The following MEGF11 variants were observed in gnomAD, a reference collection of about 807,000 sequenced individuals.
MEGF11 encodes multiple EGF like domains 11.
A neutral mutation model predicts 146.6 loss-of-function variants in MEGF11; 126 were observed. The observed-to-expected ratio is 0.86, with a 90% CI of 0.74 to 1.00. The LOEUF is 1.00. Ranked by LOEUF, MEGF11 falls within the 50% of genes least tolerant of loss-of-function variation. The pLI is 0.00. For synonymous variants in MEGF11, 532 were observed against 583.4 expected (o/e 0.91, Z 1.27); for missense variants, 1,509 against 1,521.2 (o/e 0.99, Z 0.13).
At chr15:66,087,781 C>A (rs189272635) in intron 5 of MEGF11, among the ~76,000 whole-genome samples, 16 of 152,076 alleles carry the variant, frequency 1.1e-4, no homozygotes, top group Admixed American at 2.6e-4. Context: ...AAGAACAAAC[C>A]AAATCCAAAA....
chr15:66,194,413 A>G (rs2090957209), intron 1 of MEGF11, among the ~76,000 whole-genome samples: 1 of 152,208 alleles, frequency 6.6e-6, no homozygotes, highest in Non-Finnish European at 1.5e-5. Context: ...GTTCAAGACC[A>G]GCCTGGCCAA....
chr15:66,215,991 C>A (rs2091572817), intron 1 of MEGF11, among the ~76,000 whole-genome samples: 2 of 152,206 alleles, frequency 1.3e-5, no homozygotes, highest in Non-Finnish European at 2.9e-5. Flanking sequence ...TGCACATAAA[C>A]CCCACAGATC....
At chr15:66,112,672 C>A (rs1290137431) in intron 4 of MEGF11, among the ~76,000 whole-genome samples, 4 of 151,570 alleles carry the variant, frequency 2.6e-5, no homozygotes, top group Non-Finnish European at 5.9e-5. Context: ...CAAATAAAAA[C>A]CCCCAGAAAC....
intron 1 of MEGF11, among the ~76,000 whole-genome samples, chr15:66,195,341 A>G (rs1352567929): frequency 1.3e-5 from 2 of 152,242 alleles, no homozygotes; most frequent in African/African-American, 4.8e-5. Context: ...CAACATTCTA[A>G]GACATAAAAG....
chr15:65,944,514 A>C (rs1046672286), intron 10 of MEGF11, among the ~76,000 whole-genome samples: 3 of 152,052 alleles, frequency 2.0e-5, no homozygotes, highest in African/African-American at 7.3e-5. Flanking sequence ...GGGAAGGGTG[A>C]TGAGAGGCAG....
intron 5 of MEGF11, among the ~76,000 whole-genome samples, chr15:66,015,630 A>C (rs1020529689): frequency 2.0e-5 from 3 of 152,200 alleles, no homozygotes; most frequent in Non-Finnish European, 4.4e-5. Flanking sequence ...GAATGAGAAC[A>C]CACATAGCAA....
chr15:66,154,966 G>A (rs2089702255), intron 1 of MEGF11, among the ~76,000 whole-genome samples: 2 of 152,226 alleles, frequency 1.3e-5, no homozygotes, highest in South Asian at 4.1e-4. Context: ...AGCTCTCTGA[G>A]AGCCAACAAG....
At chr15:66,115,323 A>G (rs550426734) in intron 4 of MEGF11, among the ~76,000 whole-genome samples, 1 of 152,296 alleles carries the variant, frequency 6.6e-6, no homozygotes, top group South Asian at 2.1e-4. Flanking sequence ...CAAGTCTCCC[A>G]TCTGTCCCCC....
Position 66,057,027 on chromosome 15 carries a change from A to G in MEGF11, c.394+37375T>C, listed in dbSNP as rs79790230. On this transcript the variant is annotated intron_variant, in intron 5 of 25. Transcript: ENST00000395614. ...TGCCCCTTCCATTCAATGCTGCAAAATAAAGATTTTGGGCCCTTCAGATGT... is the reference window on the plus strand; with the variant it reads ...TGCCCCTTCCATTCAATGCTGCAAAGTAAAGATTTTGGGCCCTTCAGATGT... Among the ~76,000 whole-genome samples, 672 of 152,356 alleles carry G rather than the reference A, an allele frequency of 4.4e-3. 3 individuals carry two copies. The highest frequency in any genetic ancestry group is 0.03 in the South Asian group (146 of 4,826).
intron 2 of MEGF11, among the ~76,000 whole-genome samples, chr15:66,125,483 G>T (rs1169187177): frequency 6.6e-6 from 1 of 152,180 alleles, no homozygotes; most frequent in East Asian, 1.9e-4. Context: ...GCAGTAGGAG[G>T]GCGAGTTTGA....
intron 5 of MEGF11, among the ~76,000 whole-genome samples, chr15:65,991,562 C>T (rs2082044566): frequency 6.6e-6 from 1 of 152,216 alleles, no homozygotes; most frequent in Non-Finnish European, 1.5e-5. Flanking sequence ...AGTAGTACCT[C>T]CCCGACACAC....
chr15:66,249,770 A>G (rs145639722), intron 1 of MEGF11, among the ~76,000 whole-genome samples: 131 of 152,346 alleles, frequency 8.6e-4, no homozygotes, highest in African/African-American at 3.0e-3. Flanking sequence ...TTGTTTAGAA[A>G]TGCAAATTGC....
intron 10 of MEGF11, among the ~76,000 whole-genome samples, chr15:65,942,175 C>T (rs1444182815): frequency 6.6e-6 from 1 of 152,186 alleles, no homozygotes; most frequent in South Asian, 2.1e-4. Context: ...TCCCCTAGAC[C>T]AGGCTGCCTT....
At chr15:66,057,244 C>A (rs966653309) in intron 5 of MEGF11, among the ~76,000 whole-genome samples, 8 of 152,084 alleles carry the variant, frequency 5.3e-5, no homozygotes, top group African/African-American at 1.7e-4. Context: ...GAGGGTAGGG[C>A]GTCGGGGAGG....
chr15:66,030,659 C>G (rs1054563857), intron 5 of MEGF11, among the ~76,000 whole-genome samples: 7 of 152,266 alleles, frequency 4.6e-5, no homozygotes, highest in South Asian at 2.1e-4. Flanking sequence ...ATCTGCCTGC[C>G]TCGGCCTCCC....
chr15:66,209,232 C>A (rs1567284552), intron 1 of MEGF11, among the ~76,000 whole-genome samples: 2 of 152,076 alleles, frequency 1.3e-5, no homozygotes. Flanking sequence ...CGCCTGCAGT[C>A]CCAGCCACTT....
chr15:66,179,500 C>T (rs1048087269), intron 1 of MEGF11, among the ~76,000 whole-genome samples: 2 of 152,148 alleles, frequency 1.3e-5, no homozygotes, highest in African/African-American at 2.4e-5. Flanking sequence ...CAAAGCAACT[C>T]GCAGACCTTC....
At chr15:66,171,504 GT>G (rs1567271620) in intron 1 of MEGF11, among the ~76,000 whole-genome samples, 2 of 152,140 alleles carry the variant, frequency 1.3e-5, no homozygotes, top group African/African-American at 4.8e-5. Flanking sequence ...GGGGACATGG[GT>G]GGGGGTCCCT....
At chr15:65,959,954 G>C (rs762809571) in intron 9 of MEGF11, among the ~76,000 whole-genome samples, 4 of 152,166 alleles carry the variant, frequency 2.6e-5, no homozygotes, top group Non-Finnish European at 5.9e-5. Flanking sequence ...ACAGGGCATT[G>C]GTTAAATGAA....
Sources: gnomAD v4.1 joint callset for allele counts (sites outside exome capture counted in the v4.1 genomes callset) on GRCh38, gnomAD v4.1.1 for gene constraint, MANE v1.5 for transcripts, NCBI Gene and HGNC (gene_info 2026-07-23, HGNC 2026-07-21) for gene names.